TMEM259: variants seen among roughly 807,000 people sequenced by gnomAD.
TMEM259 encodes the protein transmembrane protein 259.
A neutral mutation model predicts 46.7 loss-of-function variants in TMEM259; 26 were observed. That is an observed-to-expected ratio of 0.56 (90% CI 0.41 to 0.77). TMEM259 has a LOEUF of 0.77. Among genes scored for constraint, TMEM259 ranks in the 30% least tolerant of loss-of-function variants. The pLI, the probability that TMEM259 is intolerant of heterozygous loss-of-function variation, is 0.00. For missense variants in TMEM259, 930 were observed against 900.5 expected (o/e 1.03, Z -0.42); for synonymous variants, 494 against 395.1 (o/e 1.25, Z -2.97).
Position 1,011,574 on chromosome 19 carries a change from C to T in TMEM259, c.1084+6G>A. 1.3e-6 allele frequency: 2 copies of T among 1,541,856 alleles called. No individual in the cohort carries two copies. The highest frequency in any genetic ancestry group is 2.4e-5 in the South Asian group (2 of 83,770). On this transcript the variant is annotated splice_donor_region_variant and intron_variant, in intron 8 of 10. Transcript: ENST00000356663. ...CGGGGCGGGGGAGGCCGGGTGGGGT[C>T]CTCACCGACGAGGGCCAGGATGACG...
intron 6 of TMEM259, 39 bp from the exon 7 acceptor site, chr19:1,011,837 AG>A (rs1307901477): frequency 2.5e-6 from 4 of 1,590,110 alleles, no homozygotes; most frequent in Non-Finnish European, 3.4e-6. Flanking sequence ...AGGGGCTGCG[AG>A]GGCCTGCTTG....
Position 1,010,348 on chromosome 19 carries a change from G to A in TMEM259, c.*2C>T, listed in dbSNP as rs778028789. 5.4e-6 allele frequency: 8 copies of A among 1,484,524 alleles called. No individual in the cohort carries two copies. The South Asian group carries it at 6.7e-5, about 12-fold the overall frequency. 92.0% of individuals were successfully genotyped at this position (1,484,524 alleles called of 1,614,324 possible). On this transcript the variant is annotated 3_prime_UTR_variant, in exon 11 of 11. Transcript: ENST00000356663. ...GGGTCAGAGGCGGCTCAGCTGTGCG[G>A]CTCAGGACCCCACCTCCGAGGGCGC...
Position 1,020,690 on chromosome 19 carries a change from CAG to C in TMEM259, c.225+80_225+81del. ...TGGCGCTCGCTGTCCCCAGCGGGGC[CAG>C]GGGTCGCGGTCGGAGGTAGCAGACT... On this transcript the variant is annotated intron_variant, in intron 1 of 10. Transcript: ENST00000356663. This position sits in a 1 kb window ranked among gnomAD's most constrained non-coding sequence, Gnocchi z 4.0. The C allele has an allele frequency of 9.4e-7, 1 of 1,064,366 alleles. No homozygotes were observed. Among genetic ancestry groups the C allele is most frequent in the South Asian group, 3.9e-5 (1 of 25,756 alleles). 65.9% of individuals were successfully genotyped at this position (1,064,366 alleles called of 1,614,324 possible). A position where few individuals can be genotyped will look rare whatever the true frequency, so the allele number is the denominator to read the frequency against.
intron 1 of TMEM259, 99 bp from the exon 2 acceptor site, chr19:1,014,572 C>T: frequency 7.3e-7 from 1 of 1,366,768 alleles, no homozygotes; most frequent in South Asian, 1.4e-5. Context: ...GCTGGGACGC[C>T]CAGGACGGGG....
Position 1,011,915 on chromosome 19 carries a change from C to A in TMEM259, c.919G>T (p.Ala307Ser). The A allele has an allele frequency of 6.2e-7, 1 of 1,610,526 alleles. No homozygotes were observed. The highest frequency in any genetic ancestry group is 8.5e-7 in the Non-Finnish European group (1 of 1,178,466). The change falls in exon 6 of 11, where the codon GCC becomes TCC. Residue 307 changes from alanine to serine, a missense_variant. Coordinates refer to ENST00000356663, the MANE Select transcript of TMEM259 (RefSeq NM_001033026.2). Reference sequence around the variant, plus strand: ...ACGAAGATGACCATGATGGCGAAGGCGGCCAGGTAGGACGTCCGCGCCATC... The same window carrying A: ...ACGAAGATGACCATGATGGCGAAGGAGGCCAGGTAGGACGTCCGCGCCATC... Reference protein sequence around the residue: ...MWMARTSYLAAFAIMVIFTLS... With the variant: ...MWMARTSYLASFAIMVIFTLS...
Position 1,012,498 on chromosome 19 carries a change from T to C in TMEM259, c.683A>G (p.Gln228Arg). The change falls in exon 4 of 11, where the codon CAG becomes CGG. Residue 228 changes from glutamine to arginine, a missense_variant. Physicochemically the swap from Gln to Arg is conservative, Grantham distance 43. Transcript: ENST00000356663. ...CACCATGACGGGGATGCTCAGGCGC[T>C]GGCGGGTGGCCTGCGACAGGCGAAG... ...GFLRLSQATR[Q>R]RLSIPVMVVT... 6.2e-7 allele frequency: 1 copy of C among 1,603,946 alleles called. No individual in the cohort carries two copies. The highest frequency in any genetic ancestry group is 8.5e-7 in the Non-Finnish European group (1 of 1,176,912).
chr19:1,013,240 C>T lies in TMEM259; in HGVS notation c.607+1G>A. 3 of 1,613,620 alleles carry T rather than the reference C, an allele frequency of 1.9e-6. No homozygotes were observed. Among genetic ancestry groups the T allele is most frequent in the Non-Finnish European group, 2.5e-6 (3 of 1,179,628 alleles). On this transcript the variant is annotated splice_donor_variant, in intron 3 of 10. Coordinates refer to ENST00000356663, the MANE Select transcript of TMEM259 (RefSeq NM_001033026.2). LOFTEE classifies it high-confidence loss of function. ...CAGTACACCTTTGGTGGGTGGCCTA[C>T]CTTTGGTGGGCGTCTCGGGGAAGGG...
In TMEM259 at chr19:1,010,381, G is replaced by A. The variant is rs777106663; in HGVS notation, c.1832C>T (p.Pro611Leu). ...VGGPSPASMA[P>L]TEAPSEVGS Reference sequence around the variant, plus strand: ...CCCCACCTCCGAGGGCGCCTCCGTTGGGGCCATGGAGGCCGGGCTAGGCCC... The same window carrying A: ...CCCCACCTCCGAGGGCGCCTCCGTTAGGGCCATGGAGGCCGGGCTAGGCCC... Residue 611 changes from proline (P) to leucine (L), a missense_variant, in exon 11 of 11, where the codon CCA becomes CTA. Pro to Leu is a moderately conservative substitution (Grantham distance 98). Transcript: ENST00000356663. 2 of 1,506,404 alleles carry A rather than the reference G, an allele frequency of 1.3e-6. No individual in the cohort carries two copies. Among genetic ancestry groups the A allele is most frequent in the East Asian group, 2.4e-5 (1 of 40,938 alleles). 93.3% of individuals were successfully genotyped at this position (1,506,404 alleles called of 1,614,324 possible).
intron 6 of TMEM259, 42 bp from the exon 7 acceptor site, chr19:1,011,840 G>A: frequency 3.8e-6 from 6 of 1,590,870 alleles, no homozygotes; most frequent in Non-Finnish European, 4.3e-6. Flanking sequence ...GGCTGCGAGG[G>A]CCTGCTTGGC....
chr19:1,012,221 C>CCG, intron 4 of TMEM259, 33 bp from the exon 5 acceptor site: 1 of 1,575,434 alleles, frequency 6.3e-7, no homozygotes, highest in Non-Finnish European at 8.6e-7. Flanking sequence ...GCCGGGAGCC[C>CCG]CGCCCAGGCC....
At position 1,010,763 on chromosome 19, in the gene TMEM259, T is replaced by C. The variant is rs1416096581; in HGVS notation, c.1450A>G (p.Asn484Asp). 6.5e-7 allele frequency: 1 copy of C among 1,546,016 alleles called. No individual in the cohort carries two copies. Among genetic ancestry groups the C allele is most frequent in the Non-Finnish European group, 8.7e-7 (1 of 1,153,880 alleles). The change falls in exon 11 of 11, where the codon AAC becomes GAC. Residue 484 changes from asparagine to aspartate, a missense_variant. Transcript: ENST00000356663. ...GCTGTAGCCGGGGCGCCCGAGTTGT[T>C]GTTCATGTCATCGGGCAGCGCCGTG... ...TPTALPDDMNNNSGAPATAPD... is the reference protein window; with the variant it reads ...TPTALPDDMNDNSGAPATAPD...
At chr19:1,011,288 C>T in intron 9 of TMEM259, 79 bp downstream of exon 9, 5 of 1,538,716 alleles carry the variant, frequency 3.2e-6, no homozygotes, top group Non-Finnish European at 4.4e-6. Flanking sequence ...CCACCCCCGC[C>T]TCCAGCGCCC....
rs1362814140 is a variant in TMEM259 at position 1,010,716 on chromosome 19, G to C, written c.1497C>G (p.Pro499=). 1 of 1,528,914 alleles carries C rather than the reference G, an allele frequency of 6.5e-7. No individual in the cohort carries two copies. The highest frequency in any genetic ancestry group is 2.5e-5 in the East Asian group (1 of 40,790). The allele number at this position is 1,528,914 out of a possible 1,614,324, so 94.7% of individuals were successfully genotyped here. A position where few individuals can be genotyped will look rare whatever the true frequency, so the allele number is the denominator to read the frequency against. The change falls in exon 11 of 11, where the codon CCC becomes CCG. Residue 499 remains proline, a synonymous_variant. Coordinates refer to ENST00000356663, the MANE Select transcript of TMEM259 (RefSeq NM_001033026.2). ...CAGGCGAGACGGGGCCCAGGGCGGGGGGCTGGCCGGCAGAGTCAGGGGCTG... is the reference window on the plus strand; with the variant it reads ...CAGGCGAGACGGGGCCCAGGGCGGGCGGCTGGCCGGCAGAGTCAGGGGCTG... The part of the protein sequence containing the change: ...PATAPDSAGQ[P]PALGPVSPGA...
chr19:1,014,086 A>C, intron 2 of TMEM259, 106 bp downstream of exon 2: 4 of 1,420,598 alleles, frequency 2.8e-6, no homozygotes, highest in Non-Finnish European at 3.8e-6. Context: ...CAGGTCCCTG[A>C]AAGTCAAGAA....
intron 1 of TMEM259, among the ~76,000 whole-genome samples, chr19:1,015,189 G>A (rs780030280): frequency 1.3e-5 from 2 of 152,236 alleles, no homozygotes; most frequent in Non-Finnish European, 2.9e-5. Flanking sequence ...TGGCTGGGCA[G>A]AGCGCCCCAC....
chr19:1,012,032 GCCCTCGCA>G (rs769808146), intron 5 of TMEM259, 26 bp downstream of exon 5: 16 of 1,611,572 alleles, frequency 9.9e-6, no homozygotes, highest in Admixed American at 6.7e-5. Flanking sequence ...CCCCACCCGC[GCCCTCGCA>G]CCCTCGGCCC....
intron 10 of TMEM259, 23 bp downstream of exon 10, chr19:1,011,073 C>G (rs778753134): frequency 2.6e-6 from 4 of 1,567,340 alleles, no homozygotes; most frequent in Non-Finnish European, 2.6e-6. Flanking sequence ...TGGCCTGCCC[C>G]CTGCTTGCCG....
Position 1,010,744 on chromosome 19 carries a change from G to T in TMEM259, c.1469C>A (p.Ala490Asp). 1 of 1,533,772 alleles carries T rather than the reference G, an allele frequency of 6.5e-7. No individual in the cohort carries two copies. ...CTGGCCGGCAGAGTCAGGGGCTGTA[G>T]CCGGGGCGCCCGAGTTGTTGTTCAT... ...DDMNNNSGAP[A>D]TAPDSAGQPP... Residue 490 changes from alanine (A) to aspartate (D), a missense_variant, in exon 11 of 11, where the codon GCT becomes GAT. Coordinates refer to ENST00000356663, the MANE Select transcript of TMEM259 (RefSeq NM_001033026.2).
At chr19:1,014,829 T>C (rs1213376911) in intron 1 of TMEM259, among the ~76,000 whole-genome samples, 2 of 152,214 alleles carry the variant, frequency 1.3e-5, no homozygotes, top group East Asian at 3.9e-4. Flanking sequence ...GCCGGGGCCC[T>C]CTCAGATGCA....
Sources: gnomAD v4.1 joint callset for allele counts (sites outside exome capture counted in the v4.1 genomes callset) on GRCh38, gnomAD v4.1.1 for gene constraint, Gnocchi (gnomAD v3.1) non-coding constraint, MANE v1.5 for transcripts, NCBI Gene and HGNC (gene_info 2026-07-23, HGNC 2026-07-21) for gene names.